Variants in ATXN3 observed in about 807,000 individuals in gnomAD.
The protein encoded by ATXN3 is ataxin 3.
In ATXN3, 28 loss-of-function variants were observed where a neutral mutation model predicts 58.2. The ratio of observed to expected loss-of-function variants is 0.48; its 90% CI spans 0.36 to 0.66. The LOEUF is 0.66. Ranked by LOEUF, ATXN3 falls within the 30% of genes least tolerant of loss-of-function variation. The pLI is 0.00. For synonymous variants in ATXN3, 113 were observed against 138.5 expected (o/e 0.82, Z 1.29); for missense variants, 321 against 422.1 (o/e 0.76, Z 2.10).
chr14:92,078,942 C>G (rs2060925512), intron 9 of ATXN3, among the ~76,000 whole-genome samples: 1 of 151,894 alleles, frequency 6.6e-6, no homozygotes, highest in Non-Finnish European at 1.5e-5. Flanking sequence ...TCCCAGCACT[C>G]TGGGAGGCCG....
intron 5 of ATXN3, among the ~76,000 whole-genome samples, chr14:92,089,924 C>T (rs1299088013): frequency 6.6e-6 from 1 of 152,040 alleles, no homozygotes; most frequent in East Asian, 1.9e-4. Flanking sequence ...ATTACCAGCT[C>T]AGTTTTTAAA....
chr14:92,074,003 A>C, intron 9 of ATXN3, among the ~76,000 whole-genome samples: 1 of 121,008 alleles, frequency 8.3e-6, no homozygotes, highest in African/African-American at 3.5e-5. Context: ...ACAGAGTGAG[A>C]CTCCACCTCA....
intron 5 of ATXN3, among the ~76,000 whole-genome samples, chr14:92,090,720 A>C (rs1157343666): frequency 6.6e-6 from 1 of 152,214 alleles, no homozygotes; most frequent in African/African-American, 2.4e-5. Context: ...AAGAACTAAA[A>C]TTTTTTAAAT....
Position 92,104,150 on chromosome 14 carries a change from C to CT in ATXN3, c.24+2378dup, listed in dbSNP as rs577237264. Among the ~76,000 whole-genome samples the CT allele has an allele frequency of 9.2e-5, 14 of 151,976 alleles. No individual in the cohort carries two copies. In the South Asian group the frequency reaches 2.9e-3, roughly 32 times the overall value. On this transcript the variant is annotated intron_variant, in intron 1 of 10. Transcript: ENST00000644486. ...TTAAGAGGGACTCTTTTTTCCTTTT[C>CT]TTTTTTTTGAGACGGAGTCTCGCTC...
chr14:92,066,774 A>AT (rs144833998), intron 10 of ATXN3, among the ~76,000 whole-genome samples: 106 of 140,542 alleles, frequency 7.5e-4, no homozygotes, highest in Non-Finnish European at 7.2e-4. Flanking sequence ...AGCCTGGATA[A>AT]TTTTTTTTTT....
intron 9 of ATXN3, among the ~76,000 whole-genome samples, chr14:92,079,718 T>C (rs2061093769): frequency 6.6e-6 from 1 of 152,184 alleles, no homozygotes; most frequent in Non-Finnish European, 1.5e-5. Context: ...ATTTATCTTG[T>C]AATCTTTAAC....
chr14:92,097,902 T>C (rs962342631), intron 1 of ATXN3, among the ~76,000 whole-genome samples: 9 of 152,180 alleles, frequency 5.9e-5, no homozygotes, highest in African/African-American at 2.2e-4. Flanking sequence ...TGCATTTTCA[T>C]TTGGTAACAT....
At chr14:92,056,592 G>C (rs1396708172), downstream of ATXN3, among the ~76,000 whole-genome samples, 1 of 152,148 alleles carries the variant, frequency 6.6e-6, no homozygotes. Flanking sequence ...GTAGTTGTCA[G>C]GGGCTGGGGA....
intron 1 of ATXN3, among the ~76,000 whole-genome samples, chr14:92,097,335 C>T (rs1379623402): frequency 1.3e-5 from 2 of 151,404 alleles, no homozygotes; most frequent in Non-Finnish European, 2.9e-5. Context: ...TCAAGTGATT[C>T]TCCTGCCTCA....
chr14:92,087,167 T>A (rs2402106), intron 6 of ATXN3, among the ~76,000 whole-genome samples: 149,833 of 152,230 alleles, frequency 0.98, 73,756 homozygotes, highest in East Asian at 1. Flanking sequence ...TTTTATAAAC[T>A]TCTTGGAGAG....
upstream of ATXN3, chr14:92,050,293 T>A (rs1321430151): frequency 6.6e-6 from 1 of 152,164 alleles, no homozygotes; most frequent in Non-Finnish European, 1.5e-5. Flanking sequence ...AGTCTTTTGC[T>A]TTTGCATATG....
intron 10 of ATXN3, among the ~76,000 whole-genome samples, chr14:92,067,967 G>A (rs1026036636): frequency 6.6e-6 from 1 of 152,132 alleles, no homozygotes; most frequent in Non-Finnish European, 1.5e-5. Flanking sequence ...TGACTGGGAG[G>A]GAGAGCAGTG....
chr14:92,071,423 C>G (rs545195105), intron 9 of ATXN3: 1 of 360,862 alleles, frequency 2.8e-6, no homozygotes, highest in Non-Finnish European at 5.4e-6. Context: ...CGGTGAAACC[C>G]CATCTCTACT....
At chr14:92,090,962 T>TTC (rs1198055347) in intron 5 of ATXN3, among the ~76,000 whole-genome samples, 1 of 149,362 alleles carries the variant, frequency 6.7e-6, no homozygotes, top group African/African-American at 2.5e-5. Context: ...TTTTTTTTTT[T>TTC]TTTGTAGAGA....
At chr14:92,076,422 T>G (rs910601625) in intron 9 of ATXN3, among the ~76,000 whole-genome samples, 2 of 139,498 alleles carry the variant, frequency 1.4e-5, no homozygotes, top group South Asian at 2.3e-4. Context: ...CACTCCAGAC[T>G]GGGTGACAAA....
intron 1 of ATXN3, 116 bp downstream of exon 1, chr14:92,106,413 G>A: frequency 1.5e-6 from 2 of 1,369,920 alleles, no homozygotes; most frequent in Non-Finnish European, 2.1e-6. Context: ...CCCTCGCCGG[G>A]CGAGATCGGC....
intron 9 of ATXN3, among the ~76,000 whole-genome samples, chr14:92,076,446 CT>C (rs2060388947): frequency 4.2e-5 from 5 of 117,772 alleles, no homozygotes; most frequent in African/African-American, 1.0e-4. Context: ...GAGACCTCGT[CT>C]CAAAAAAGAA....
At chr14:92,094,913 C>T (rs1209247607) in intron 3 of ATXN3, among the ~76,000 whole-genome samples, 1 of 152,062 alleles carries the variant, frequency 6.6e-6, no homozygotes, top group Non-Finnish European at 1.5e-5. Context: ...GAGGAAGAGT[C>T]CAGGAGGGCA....
At chr14:92,099,161 C>T (rs2141218967) in intron 1 of ATXN3, among the ~76,000 whole-genome samples, 1 of 152,268 alleles carries the variant, frequency 6.6e-6, no homozygotes, top group South Asian at 2.1e-4. Context: ...TCTCTTTCCC[C>T]AATAAGGTCT....
Sources: gnomAD v4.1 joint callset for allele counts (sites outside exome capture counted in the v4.1 genomes callset) on GRCh38, gnomAD v4.1.1 for gene constraint, MANE v1.5 for transcripts, NCBI Gene and HGNC (gene_info 2026-07-23, HGNC 2026-07-21) for gene names.